Variants in DAPK1 observed in about 807,000 individuals in gnomAD.
The protein encoded by DAPK1 is death associated protein kinase 1, also known as death-associated protein kinase 1.
DAPK1 carries 56 observed loss-of-function variants against 144.9 expected under a neutral mutation model. The observed-to-expected ratio is 0.39, with a 90% CI of 0.31 to 0.48. The LOEUF (loss-of-function observed/expected upper bound fraction) is 0.48. Among genes scored for constraint, DAPK1 ranks in the 20% least tolerant of loss-of-function variants. The pLI is 0.95. For missense variants in DAPK1, 1,454 were observed against 1,875.4 expected (o/e 0.78, Z 4.15); for synonymous variants, 690 against 749.0 (o/e 0.92, Z 1.29).
chr9:87,501,718 G>A (rs1360448098), intron 2 of DAPK1, among the ~76,000 whole-genome samples: 3 of 152,128 alleles, frequency 2.0e-5, no homozygotes, highest in Non-Finnish European at 4.4e-5. Context: ...TTTACTTTTA[G>A]GAAAATTGAA....
chr9:87,568,762 G>GT (rs1158750258), intron 2 of DAPK1, among the ~76,000 whole-genome samples: 1 of 152,130 alleles, frequency 6.6e-6, no homozygotes, highest in Non-Finnish European at 1.5e-5. Flanking sequence ...TGGGTAATGG[G>GT]TCTCTGAGCC....
At chr9:87,651,939 C>A (rs1830458401) in intron 17 of DAPK1, among the ~76,000 whole-genome samples, 1 of 135,350 alleles carries the variant, frequency 7.4e-6, no homozygotes, top group African/African-American at 2.9e-5. Context: ...GTCCTCCCAC[C>A]TGATCCCGGG....
intron 2 of DAPK1, among the ~76,000 whole-genome samples, chr9:87,595,958 T>C (rs150661041): frequency 6.6e-6 from 1 of 152,358 alleles, no homozygotes; most frequent in Non-Finnish European, 1.5e-5. Context: ...GGTTGTACTT[T>C]TTTTTCATGA....
intron 3 of DAPK1, among the ~76,000 whole-genome samples, chr9:87,607,321 A>G (rs1034710410): frequency 6.6e-6 from 1 of 152,200 alleles, no homozygotes; most frequent in African/African-American, 2.4e-5. Flanking sequence ...CAGTGCATAC[A>G]AAGTGCCTGG....
At chr9:87,561,432 A>G (rs1034900026) in intron 2 of DAPK1, among the ~76,000 whole-genome samples, 1 of 152,028 alleles carries the variant, frequency 6.6e-6, no homozygotes. Context: ...AGGCTGAGGC[A>G]GGAGAATGGC....
At chr9:87,508,022 C>CT (rs1824674476) in intron 2 of DAPK1, among the ~76,000 whole-genome samples, 3 of 152,008 alleles carry the variant, frequency 2.0e-5, no homozygotes, top group Admixed American at 2.0e-4. Flanking sequence ...AAACTTTTCC[C>CT]TTTTTTTGGA....
intron 18 of DAPK1, among the ~76,000 whole-genome samples, chr9:87,662,046 T>C (rs899827423): frequency 4.6e-5 from 7 of 152,226 alleles, no homozygotes; most frequent in African/African-American, 7.2e-5. Flanking sequence ...CAAATAGATA[T>C]CCAACTTTCC....
chr9:87,640,388 C>T lies in DAPK1; in HGVS notation c.720C>T (p.Tyr240=), dbSNP rs759082208. The T allele has an allele frequency of 2.4e-5, 38 of 1,614,076 alleles. No individual in the cohort carries two copies. The highest frequency in any genetic ancestry group is 2.8e-5 in the Non-Finnish European group (33 of 1,180,002). ...TCAACTACGAATTTGAGGATGAATACTTCAGTAATACCAGTGCCCTAGCCA... is the reference window on the plus strand; with the variant it reads ...TCAACTACGAATTTGAGGATGAATATTTCAGTAATACCAGTGCCCTAGCCA... The part of the protein sequence containing the change: ...SAVNYEFEDE[Y]FSNTSALAKD... Residue 240 remains tyrosine (Y), a synonymous_variant, in exon 8 of 26, where the codon TAC becomes TAT. Transcript: ENST00000408954.
intron 2 of DAPK1, among the ~76,000 whole-genome samples, chr9:87,525,744 A>T (rs1454185062): frequency 6.6e-6 from 1 of 151,994 alleles, no homozygotes; most frequent in East Asian, 1.9e-4. Flanking sequence ...GGCCGCTCCC[A>T]GCTCCTCGCA....
intron 2 of DAPK1, among the ~76,000 whole-genome samples, chr9:87,552,215 C>A (rs905166182): frequency 1.3e-5 from 2 of 152,094 alleles, no homozygotes; most frequent in Non-Finnish European, 2.9e-5. Context: ...TACTGCTTGG[C>A]AGGAAGTCCT....
chr9:87,522,135 T>C (rs1825321197), intron 2 of DAPK1, among the ~76,000 whole-genome samples: 1 of 152,200 alleles, frequency 6.6e-6, no homozygotes, highest in East Asian at 1.9e-4. Flanking sequence ...TTGCCCATTC[T>C]GCAACAGAAA....
upstream of DAPK1, chr9:87,497,661 G>A (rs1202126089): frequency 5.7e-6 from 1 of 175,424 alleles, no homozygotes; most frequent in African/African-American, 2.4e-5. Context: ...GCGAGTGGGT[G>A]TGTGCGGGGT....
In DAPK1 at chr9:87,571,496, C is replaced by CA. The variant is rs1564001040; in HGVS notation, c.63-33458_63-33457insA. Among the ~76,000 whole-genome samples the CA allele has an allele frequency of 1.5e-4, 5 of 33,834 alleles. 1 individual carries two copies. Among genetic ancestry groups the CA allele is most frequent in the African/African-American group, 3.8e-4 (3 of 7,980 alleles). The allele number at this position is 33,834 out of a possible 152,430, so 22.2% of individuals were successfully genotyped here. A position where few individuals can be genotyped will look rare whatever the true frequency, so the allele number is the denominator to read the frequency against. On this transcript the variant is annotated intron_variant, in intron 2 of 25. Transcript: ENST00000408954. ...ACACCAACACACACACACACACACC[C>CA]CAACACACACACACACACACACACA...
chr9:87,529,355 C>T (rs985768801), intron 2 of DAPK1, among the ~76,000 whole-genome samples: 2 of 152,232 alleles, frequency 1.3e-5, no homozygotes, highest in African/African-American at 4.8e-5. Flanking sequence ...CAGACCCATA[C>T]AGATTCGCTT....
chr9:87,522,779 G>A (rs7866238), intron 2 of DAPK1, among the ~76,000 whole-genome samples: 1 of 151,988 alleles, frequency 6.6e-6, no homozygotes, highest in African/African-American at 2.4e-5. Flanking sequence ...GGCTTCTTTC[G>A]CTGTCTCACA....
intron 2 of DAPK1, among the ~76,000 whole-genome samples, chr9:87,584,573 G>A (rs960371575): frequency 1.3e-5 from 2 of 152,188 alleles, no homozygotes; most frequent in Non-Finnish European, 2.9e-5. Flanking sequence ...CTCTCCAACA[G>A]TGTACAAGGG....
At position 87,562,645 on chromosome 9, in the gene DAPK1, A is replaced by G. The variant is rs188997478; in HGVS notation, c.63-42309A>G. On this transcript the variant is annotated intron_variant, in intron 2 of 25. Coordinates refer to ENST00000408954, the MANE Select transcript of DAPK1 (RefSeq NM_004938.4). ...TAGGAATTGAGTCATTTGCTATCTCAAAGGCTCTACATTATTTACACCTGA... is the reference window on the plus strand; with the variant it reads ...TAGGAATTGAGTCATTTGCTATCTCGAAGGCTCTACATTATTTACACCTGA... 4.0e-4 allele frequency among the ~76,000 whole-genome samples: 61 copies of G among 152,348 alleles called. No individual in the cohort carries two copies. In the East Asian group the frequency reaches 7.1e-3, roughly 18 times the overall value.
intron 3 of DAPK1, among the ~76,000 whole-genome samples, chr9:87,627,442 T>C (rs948053131): frequency 6.6e-6 from 1 of 152,160 alleles, no homozygotes; most frequent in Non-Finnish European, 1.5e-5. Flanking sequence ...GTGCCAAGCT[T>C]GGAATGGCCA....
At chr9:87,600,276 T>C (rs533955588) in intron 2 of DAPK1, among the ~76,000 whole-genome samples, 7 of 152,188 alleles carry the variant, frequency 4.6e-5, no homozygotes, top group African/African-American at 7.2e-5. Context: ...GCCAGAAATA[T>C]TGACTTGGAG....
Sources: gnomAD v4.1 joint callset for allele counts (sites outside exome capture counted in the v4.1 genomes callset) on GRCh38, gnomAD v4.1.1 for gene constraint, MANE v1.5 for transcripts, NCBI Gene and HGNC (gene_info 2026-07-23, HGNC 2026-07-21) for gene names.